Variants in ARID2 observed in about 807,000 individuals in gnomAD.
ARID2 encodes the protein AT-rich interactive domain-containing protein 2.
In ARID2, 32 loss-of-function variants were observed where a neutral mutation model predicts 184.6. The observed-to-expected ratio is 0.17, with a 90% CI of 0.13 to 0.23. ARID2 has a LOEUF of 0.23. Among genes scored for constraint, ARID2 ranks in the 10% least tolerant of loss-of-function variants. The probability of loss-of-function intolerance (pLI) is 1.00; values close to 1 mark genes in which losing one functional copy is unlikely to be tolerated. For synonymous variants in ARID2, 836 were observed against 772.6 expected (o/e 1.08, Z -1.36); for missense variants, 1,696 against 2,197.6 (o/e 0.77, Z 4.56).
At chr12:45,893,767 ATT>A in intron 20 of ARID2, 46 bp downstream of exon 20, 1 of 1,384,166 alleles carries the variant, frequency 7.2e-7, no homozygotes, top group Non-Finnish European at 9.8e-7. Context: ...AGTTTATTTT[ATT>A]TTTACATATA....
chr12:45,874,374 G>T, intron 16 of ARID2: 1 of 177,200 alleles, frequency 5.6e-6, no homozygotes, highest in Non-Finnish European at 1.2e-5. Context: ...AAACCCTGCT[G>T]CTATGTTATC....
In ARID2 at chr12:45,767,210, A is replaced by C. The variant is rs555955613; in HGVS notation, c.284+35896A>C. 3.9e-5 allele frequency among the ~76,000 whole-genome samples: 6 copies of C among 152,242 alleles called. No individual in the cohort carries two copies. In the East Asian group the frequency reaches 1.2e-3, roughly 29 times the overall value. Reference sequence around the variant, plus strand: ...TATTCTTTGGTGAAGAGCCTGTTCAAGTCTTTTGTGCACCTTTGAAATTGA... The same window carrying C: ...TATTCTTTGGTGAAGAGCCTGTTCACGTCTTTTGTGCACCTTTGAAATTGA... On this transcript the variant is annotated intron_variant, in intron 3 of 20. Transcript: ENST00000334344.
At chr12:45,808,732 C>CGT (rs1218516221) in intron 3 of ARID2, among the ~76,000 whole-genome samples, 4 of 146,602 alleles carry the variant, frequency 2.7e-5, no homozygotes, top group African/African-American at 1.0e-4. Flanking sequence ...TGTGTGTTTG[C>CGT]GTGCGTGTGT....
intron 3 of ARID2, among the ~76,000 whole-genome samples, chr12:45,734,964 T>G (rs1445574439): frequency 6.6e-6 from 1 of 152,230 alleles, no homozygotes; most frequent in Non-Finnish European, 1.5e-5. Context: ...CATTAAAAAT[T>G]TATTGTACAA....
chr12:45,773,249 G>A (rs944996967), intron 3 of ARID2, among the ~76,000 whole-genome samples: 1 of 151,960 alleles, frequency 6.6e-6, no homozygotes, highest in Non-Finnish European at 1.5e-5. Flanking sequence ...TGCAGTTAAG[G>A]TAGTGCTTAG....
At chr12:45,830,569 G>T (rs570543809) in intron 6 of ARID2, among the ~76,000 whole-genome samples, 87 of 152,082 alleles carry the variant, frequency 5.7e-4, no homozygotes, top group Non-Finnish European at 1.1e-3. Context: ...CTGACCCAGG[G>T]TCCTATATTC....
chr12:45,737,836 T>C (rs1173436536), intron 3 of ARID2, among the ~76,000 whole-genome samples: 1 of 152,120 alleles, frequency 6.6e-6, no homozygotes, highest in African/African-American at 2.4e-5. Flanking sequence ...ACATCTGGTC[T>C]AGGGGCACCT....
chr12:45,839,581 G>A (rs1379664244), intron 11 of ARID2, 85 bp downstream of exon 11: 1 of 1,459,092 alleles, frequency 6.9e-7, no homozygotes, highest in African/African-American at 1.4e-5. Context: ...GTGCAGTATA[G>A]AGAACTGATA....
chr12:45,828,718 G>A (rs941544163), intron 6 of ARID2, among the ~76,000 whole-genome samples: 10 of 151,946 alleles, frequency 6.6e-5, no homozygotes, highest in Middle Eastern at 3.2e-3. Flanking sequence ...TGTTTGATGA[G>A]AACTAGAATA....
intron 4 of ARID2, among the ~76,000 whole-genome samples, chr12:45,815,189 T>C (rs1006668162): frequency 2.0e-5 from 3 of 152,180 alleles, no homozygotes; most frequent in African/African-American, 7.2e-5. Flanking sequence ...GAAAGCTATG[T>C]GGAATATAAA....
chr12:45,876,043 T>C (rs1036885928), intron 16 of ARID2, among the ~76,000 whole-genome samples: 11 of 152,278 alleles, frequency 7.2e-5, no homozygotes, highest in Non-Finnish European at 1.2e-4. Context: ...TTAGCCTTTC[T>C]CAGCTTTGCC....
At chr12:45,860,670 G>A (rs951109552) in intron 15 of ARID2, 131 bp from the exon 16 acceptor site, 12 of 792,530 alleles carry the variant, frequency 1.5e-5, no homozygotes, top group Non-Finnish European at 1.9e-5. Context: ...GTAATCATAA[G>A]CTTAAAATTA....
In ARID2 at chr12:45,801,170, C is replaced by CGT. The variant is rs1565601252; in HGVS notation, c.285-10247_285-10246insTG. ...TACTAAAAATACAAAAAATTAGCCACGCGCGGTGGTAGGCGCCCGTAGTCG... is the reference window on the plus strand; with the variant it reads ...TACTAAAAATACAAAAAATTAGCCACGTGCGCGGTGGTAGGCGCCCGTAGTCG... On this transcript the variant is annotated intron_variant, in intron 3 of 20. Transcript: ENST00000334344. Among the ~76,000 whole-genome samples the CGT allele has an allele frequency of 1.7e-4, 26 of 151,976 alleles. No individual in the cohort carries two copies. In the East Asian group the frequency reaches 4.7e-3, roughly 27 times the overall value.
chr12:45,843,482 T>C lies in ARID2; in HGVS notation c.1499-3374T>C, dbSNP rs1261135086. On this transcript the variant is annotated intron_variant, in intron 11 of 20. Coordinates refer to ENST00000334344, the MANE Select transcript of ARID2 (RefSeq NM_152641.4). ...CTGGGCTCAAGACTATCCTCCCACC[T>C]CAGCCTCCTGAGTAACTGGGACTAC... Among the ~76,000 whole-genome samples the C allele has an allele frequency of 2.7e-5, 4 of 150,794 alleles. No homozygotes were observed. In the Admixed American group the frequency reaches 2.7e-4, roughly 10 times the overall value.
intron 3 of ARID2, among the ~76,000 whole-genome samples, chr12:45,753,219 C>T (rs1344907607): frequency 6.6e-6 from 1 of 152,088 alleles, no homozygotes; most frequent in Non-Finnish European, 1.5e-5. Context: ...ATCACTTGAA[C>T]CCAGAGGCAG....
chr12:45,731,834 C>G (rs1466457011), intron 3 of ARID2, among the ~76,000 whole-genome samples: 3 of 151,326 alleles, frequency 2.0e-5, no homozygotes, highest in Admixed American at 2.0e-4. Flanking sequence ...CTTAGGTGAC[C>G]AGGATTGTTT....
At chr12:45,765,718 A>G (rs1297549275) in intron 3 of ARID2, among the ~76,000 whole-genome samples, 1 of 152,124 alleles carries the variant, frequency 6.6e-6, no homozygotes, top group African/African-American at 2.4e-5. Flanking sequence ...TTTGAATTGT[A>G]TAAAGTATAC....
chr12:45,743,238 G>A (rs1374848986), intron 3 of ARID2, among the ~76,000 whole-genome samples: 1 of 151,940 alleles, frequency 6.6e-6, no homozygotes, highest in Non-Finnish European at 1.5e-5. Flanking sequence ...GTGCTGTGGT[G>A]GGTGCCTGTC....
At chr12:45,810,343 GTGA>G (rs1245843618) in intron 3 of ARID2, among the ~76,000 whole-genome samples, 1 of 152,102 alleles carries the variant, frequency 6.6e-6, no homozygotes, top group Non-Finnish European at 1.5e-5. Flanking sequence ...CTCAGTAATG[GTGA>G]TACAGTGGGG....
Sources: allele counts gnomAD v4.1 joint callset (sites outside exome capture counted in the v4.1 genomes callset), GRCh38; gene constraint gnomAD v4.1.1; transcripts MANE v1.5; gene names NCBI Gene and HGNC (gene_info 2026-07-23, HGNC 2026-07-21).